The following SEMA3E variants were observed in gnomAD, a reference collection of about 807,000 sequenced individuals.
SEMA3E encodes the protein semaphorin-3E.
SEMA3E carries 49 observed loss-of-function variants against 93.6 expected under a neutral mutation model. The observed-to-expected ratio is 0.52, with a 90% CI of 0.42 to 0.66. The LOEUF (loss-of-function observed/expected upper bound fraction) is 0.66, where lower values mean the gene tolerates loss of function less well. Ranked by LOEUF, SEMA3E falls within the 30% of genes least tolerant of loss-of-function variation. The probability of loss-of-function intolerance (pLI) is 0.00; values close to 1 mark genes in which losing one functional copy is unlikely to be tolerated. For synonymous variants in SEMA3E, 363 were observed against 330.7 expected, an observed-to-expected ratio of 1.10 and a Z score of -1.06; for missense variants, 906 against 964.8, an observed-to-expected ratio of 0.94 and a Z score of 0.81.
intron 16 of SEMA3E, among the ~76,000 whole-genome samples, chr7:83,373,932 C>T (rs1431324129): frequency 6.6e-6 from 1 of 152,052 alleles, no homozygotes; most frequent in African/African-American, 2.4e-5. Flanking sequence ...TTAGGCCGGG[C>T]GCGGTGTTTC....
chr7:83,595,634 A>G, intron 1 of SEMA3E, among the ~76,000 whole-genome samples: 1 of 151,768 alleles, frequency 6.6e-6, no homozygotes, highest in East Asian at 1.9e-4. Context: ...CATGCCTTTC[A>G]TGATCTTGAT....
chr7:83,515,211 G>A (rs1198157821), intron 1 of SEMA3E, among the ~76,000 whole-genome samples: 1 of 151,170 alleles, frequency 6.6e-6, no homozygotes, highest in East Asian at 2.0e-4. Flanking sequence ...AGGCACTGCA[G>A]AGGCCTCTCA....
intron 1 of SEMA3E, among the ~76,000 whole-genome samples, chr7:83,546,825 A>G (rs1249878017): frequency 6.6e-6 from 1 of 152,072 alleles, no homozygotes; most frequent in African/African-American, 2.4e-5. Context: ...GATATGGCTG[A>G]TTTGTGTCAA....
intron 1 of SEMA3E, among the ~76,000 whole-genome samples, chr7:83,546,321 GGT>G (rs67647992): frequency 0.32 from 41,439 of 128,998 alleles, 7,211 homozygotes; most frequent in Non-Finnish European, 0.42. Context: ...TATAATAAGG[GGT>G]GTGTGTGTGT....
At chr7:83,631,066 G>C (rs1041309572) in intron 1 of SEMA3E, among the ~76,000 whole-genome samples, 1 of 152,096 alleles carries the variant, frequency 6.6e-6, no homozygotes, top group African/African-American at 2.4e-5. Flanking sequence ...AAATTAAGCA[G>C]TCACAGCTAT....
intron 4 of SEMA3E, among the ~76,000 whole-genome samples, chr7:83,448,856 G>C (rs1789292070): frequency 1.3e-5 from 2 of 152,056 alleles, no homozygotes; most frequent in Admixed American, 6.6e-5. Flanking sequence ...AGAGACAAAA[G>C]TTCATACATA....
At chr7:83,381,266 G>T (rs1484947318) in intron 16 of SEMA3E, among the ~76,000 whole-genome samples, 1 of 152,060 alleles carries the variant, frequency 6.6e-6, no homozygotes, top group East Asian at 1.9e-4. Flanking sequence ...CTGGTTCATG[G>T]TCTATTAGTC....
At chr7:83,632,150 C>A in intron 1 of SEMA3E, among the ~76,000 whole-genome samples, 2 of 145,116 alleles carry the variant, frequency 1.4e-5, no homozygotes. Flanking sequence ...GGTGGAACTC[C>A]ATCTCAAAAA....
chr7:83,569,104 G>T (rs894257639), intron 1 of SEMA3E, among the ~76,000 whole-genome samples: 3 of 151,236 alleles, frequency 2.0e-5, no homozygotes, highest in African/African-American at 7.3e-5. Context: ...AGCTAACTGT[G>T]GGAGAAATCA....
intron 1 of SEMA3E, among the ~76,000 whole-genome samples, chr7:83,617,586 T>G (rs1793406537): frequency 6.8e-6 from 1 of 146,866 alleles, no homozygotes; most frequent in Non-Finnish European, 1.5e-5. Context: ...AATATATAAT[T>G]TTATATAAAT....
rs781064920 is a variant in SEMA3E at position 83,363,665 on chromosome 7, T to C, written c.*3921A>G. On this transcript the variant is annotated 3_prime_UTR_variant, in exon 17 of 17. Coordinates refer to ENST00000643230, the MANE Select transcript of SEMA3E (RefSeq NM_012431.3). ...GGAAAATCTATTATTTATATCTGAT[T>C]CAAATGCAACAGTTGTTGGCCTGAA... The C allele has an allele frequency of 6.6e-6, 1 of 152,134 alleles. No homozygotes were observed. Among genetic ancestry groups the C allele is most frequent in the Non-Finnish European group, 1.5e-5 (1 of 68,036 alleles). The allele number at this position is 152,134 out of a possible 1,614,324, so 9.4% of individuals were successfully genotyped here.
chr7:83,533,279 T>C (rs950017258), intron 1 of SEMA3E, among the ~76,000 whole-genome samples: 6 of 152,120 alleles, frequency 3.9e-5, no homozygotes, highest in African/African-American at 1.4e-4. Flanking sequence ...CAGTGGCTCA[T>C]GCCTGTAATC....
chr7:83,505,784 G>A (rs550351985), intron 1 of SEMA3E, among the ~76,000 whole-genome samples: 2 of 151,894 alleles, frequency 1.3e-5, no homozygotes, highest in Non-Finnish European at 2.9e-5. Context: ...GGGATGCCAA[G>A]GGGGGCAGAT....
At chr7:83,496,204 G>A (rs1034325159) in intron 1 of SEMA3E, among the ~76,000 whole-genome samples, 4 of 151,896 alleles carry the variant, frequency 2.6e-5, no homozygotes, top group African/African-American at 9.7e-5. Context: ...AAATTTGAAC[G>A]ACAGAAGTTG....
chr7:83,381,870 A>G (rs368624727), intron 16 of SEMA3E, among the ~76,000 whole-genome samples: 2 of 151,946 alleles, frequency 1.3e-5, no homozygotes, highest in East Asian at 3.9e-4. Flanking sequence ...TGATGTCTAT[A>G]TTGTGTATGT....
At chr7:83,597,998 A>G (rs1027994086) in intron 1 of SEMA3E, among the ~76,000 whole-genome samples, 1 of 152,194 alleles carries the variant, frequency 6.6e-6, no homozygotes, top group African/African-American at 2.4e-5. Flanking sequence ...TCTGGAAGTT[A>G]AAAGGAAGAG....
intron 1 of SEMA3E, among the ~76,000 whole-genome samples, chr7:83,634,589 T>C (rs1213396381): frequency 2.0e-5 from 3 of 152,122 alleles, no homozygotes; most frequent in Non-Finnish European, 2.9e-5. Context: ...TTTAATTGTA[T>C]AGTTGACTTA....
In SEMA3E at chr7:83,488,073, A is replaced by G. The variant is rs180756410; in HGVS notation, c.276+2041T>C. Among the ~76,000 whole-genome samples the G allele has an allele frequency of 2.3e-4, 35 of 152,160 alleles. No homozygotes were observed. In the East Asian group the frequency reaches 6.2e-3, roughly 27 times the overall value. ...CCAATATGCAAGCTGATTCATAAAA[A>G]AGACTCCAGAAATTCTTGGAAATTA... On this transcript the variant is annotated intron_variant, in intron 2 of 16. Coordinates refer to ENST00000643230, the MANE Select transcript of SEMA3E (RefSeq NM_012431.3).
chr7:83,635,596 A>G (rs918959798), intron 1 of SEMA3E, among the ~76,000 whole-genome samples: 2 of 151,954 alleles, frequency 1.3e-5, no homozygotes, highest in African/African-American at 4.8e-5. Flanking sequence ...ATAGCATTTC[A>G]AAATATATTA....
Sources: gnomAD v4.1 joint callset for allele counts (sites outside exome capture counted in the v4.1 genomes callset) on GRCh38, gnomAD v4.1.1 for gene constraint, MANE v1.5 for transcripts, NCBI Gene and HGNC (gene_info 2026-07-23, HGNC 2026-07-21) for gene names.